Variants in MACF1 observed in about 807,000 individuals in gnomAD.
MACF1 encodes the protein microtubule actin crosslinking factor 1, also known as microtubule-actin cross-linking factor 1.
Under a neutral mutation model 854.8 loss-of-function variants are expected in MACF1, and 193 were observed. The observed-to-expected ratio is 0.23, with a 90% CI of 0.20 to 0.25. MACF1 has a LOEUF of 0.25. MACF1 is among the 10% of genes least tolerant of loss of function. The probability of loss-of-function intolerance (pLI) is 1.00; values close to 1 mark genes in which losing one functional copy is unlikely to be tolerated. For missense variants in MACF1, 7,722 were observed against 8,929.1 expected (o/e 0.86, Z 5.45); for synonymous variants, 3,185 against 3,226.7 (o/e 0.99, Z 0.44).
intron 14 of MACF1, among the ~76,000 whole-genome samples, 171 bp from the exon 15 acceptor site, chr1:39,287,115 C>G (rs575954730): frequency 6.6e-6 from 1 of 152,002 alleles, no homozygotes; most frequent in Non-Finnish European, 1.5e-5. Flanking sequence ...CATGTGCCAC[C>G]ACACCCGGCT....
At chr1:39,345,361 A>G (rs913780288) in intron 40 of MACF1, among the ~76,000 whole-genome samples, 1 of 152,238 alleles carries the variant, frequency 6.6e-6, no homozygotes, top group Non-Finnish European at 1.5e-5. Flanking sequence ...CTGTAATCCC[A>G]GCACTTTGGG....
chr1:39,430,615 T>G (rs1157394674), intron 65 of MACF1, 87 bp from the exon 66 acceptor site: 28 of 990,024 alleles, frequency 2.8e-5, no homozygotes, highest in Admixed American at 1.3e-4. Flanking sequence ...CTGGGATGTG[T>G]GGTAGAGATA....
intron 2 of MACF1, among the ~76,000 whole-genome samples, chr1:39,141,985 C>T (rs1643355783): frequency 6.6e-6 from 1 of 152,186 alleles, no homozygotes. Flanking sequence ...AGATAACTGA[C>T]TCCTTTTCCC....
At chr1:39,135,529 C>T (rs1167421356) in intron 2 of MACF1, among the ~76,000 whole-genome samples, 4 of 152,114 alleles carry the variant, frequency 2.6e-5, no homozygotes, top group Non-Finnish European at 4.4e-5. Context: ...TGAGCCACTG[C>T]GTCCGGCCAG....
At chr1:39,115,000 G>T (rs1436977809) in intron 2 of MACF1, among the ~76,000 whole-genome samples, 1 of 152,200 alleles carries the variant, frequency 6.6e-6, no homozygotes, top group African/African-American at 2.4e-5. Flanking sequence ...GCATTGATAA[G>T]GTTGGAGCAT....
intron 41 of MACF1, among the ~76,000 whole-genome samples, chr1:39,347,913 C>T (rs934399542): frequency 6.7e-6 from 1 of 149,034 alleles, no homozygotes; most frequent in South Asian, 2.1e-4. Flanking sequence ...TCTTGCAAAG[C>T]TCAACTCAAC....
At chr1:39,091,160 A>G (rs1641792378) in intron 2 of MACF1, among the ~76,000 whole-genome samples, 1 of 152,202 alleles carries the variant, frequency 6.6e-6, no homozygotes, top group African/African-American at 2.4e-5. Flanking sequence ...CTACCCCAGA[A>G]GATACCAGGC....
intron 52 of MACF1, among the ~76,000 whole-genome samples, chr1:39,375,961 C>T (rs1649684065): frequency 6.6e-6 from 1 of 152,080 alleles, no homozygotes; most frequent in Non-Finnish European, 1.5e-5. Context: ...TATTTTTGGT[C>T]GTGTTATTTA....
Position 39,442,828 on chromosome 1 carries a change from T to G in MACF1, c.19219T>G (p.Leu6407Val). ...GDDASSLRSR[L>V]EAMNQCWESV... ...TGATGCCAGCAGCTTAAGGAGCCGTTTGGAAGCCATGAACCAATGCTGGGA... is the reference window on the plus strand; with the variant it reads ...TGATGCCAGCAGCTTAAGGAGCCGTGTGGAAGCCATGAACCAATGCTGGGA... Residue 6407 changes from leucine (L) to valine (V), a missense_variant, in exon 78 of 101, where the codon TTG becomes GTG. By Grantham distance (32) the Leu-to-Val change is conservative. This residue lies in a region of MACF1 where 729 missense variants were observed against 900.5 expected (regional missense o/e 0.81). Transcript: ENST00000564288. The G allele has an allele frequency of 6.2e-7, 1 of 1,614,068 alleles. No homozygotes were observed. Among genetic ancestry groups the G allele is most frequent in the Non-Finnish European group, 8.5e-7 (1 of 1,179,978 alleles).
chr1:39,441,145 G>A lies in MACF1; in HGVS notation c.18570+20G>A. The A allele has an allele frequency of 6.2e-7, 1 of 1,614,120 alleles. No homozygotes were observed. Among genetic ancestry groups the A allele is most frequent in the Non-Finnish European group, 8.5e-7 (1 of 1,180,004 alleles). On this transcript the variant is annotated intron_variant, in intron 73 of 100. Coordinates refer to ENST00000564288, the MANE Select transcript of MACF1 (RefSeq NM_001394062.1). ...GATGAGGTGTGGAGAAATGGATGAG[G>A]CACTCAGTTAGAACATTAGTGGGCC...
At chr1:39,435,846 A>T in intron 70 of MACF1, 85 bp downstream of exon 70, 3 of 1,189,822 alleles carry the variant, frequency 2.5e-6, no homozygotes, top group Non-Finnish European at 3.6e-6. Context: ...CTCTGTGCTC[A>T]GGAATGTCCA....
intron 14 of MACF1, among the ~76,000 whole-genome samples, chr1:39,286,558 C>G: frequency 6.6e-6 from 1 of 151,920 alleles, no homozygotes; most frequent in Non-Finnish European, 1.5e-5. Context: ...CTTCTGCCTC[C>G]TGGGTCCAAG....
chr1:39,474,702 A>G lies in MACF1; in HGVS notation c.21958+5087A>G, dbSNP rs540598419. On this transcript the variant is annotated intron_variant, in intron 97 of 100. Coordinates refer to ENST00000564288, the MANE Select transcript of MACF1 (RefSeq NM_001394062.1). ...GAACAAGACTCCATCTCAAAAAATA[A>G]CTAAATAAAAATAAATGTTTGTGTG... Among the ~76,000 whole-genome samples, 3 of 152,336 alleles carry G rather than the reference A, an allele frequency of 2.0e-5. No individual in the cohort carries two copies. The South Asian group carries it at 6.2e-4, about 32-fold the overall frequency.
At chr1:39,397,246 G>A (rs553754311) in intron 58 of MACF1, among the ~76,000 whole-genome samples, 3 of 152,056 alleles carry the variant, frequency 2.0e-5, no homozygotes, top group African/African-American at 7.2e-5. Context: ...CGAAACTATT[G>A]TAAGTCAGAA....
At chr1:39,412,482 C>T (rs181416924) in intron 58 of MACF1, 3 of 1,614,012 alleles carry the variant, frequency 1.9e-6, no homozygotes, top group East Asian at 4.5e-5. Flanking sequence ...CAGCACATTT[C>T]CACAGAAACT....
At chr1:39,420,471 CATTTTA>C (rs1643492064) in intron 58 of MACF1, among the ~76,000 whole-genome samples, 1 of 152,206 alleles carries the variant, frequency 6.6e-6, no homozygotes, top group African/African-American at 2.4e-5. Flanking sequence ...GAGAAATAGT[CATTTTA>C]ACTGAACTGC....
intron 1 of MACF1, among the ~76,000 whole-genome samples, chr1:39,222,681 T>C (rs953445285): frequency 6.6e-6 from 1 of 152,216 alleles, no homozygotes; most frequent in African/African-American, 2.4e-5. Flanking sequence ...GTTAATTATT[T>C]ACATGTTGTT....
chr1:39,232,892 C>T (rs1467046363), intron 2 of MACF1, among the ~76,000 whole-genome samples: 1 of 151,992 alleles, frequency 6.6e-6, no homozygotes, highest in Non-Finnish European at 1.5e-5. Context: ...GAGTGATTCT[C>T]CCACCTCATC....
At position 39,282,368 on chromosome 1, in the gene MACF1, G is replaced by A. The variant is rs747720028; in HGVS notation, c.689G>A (p.Arg230Gln). The A allele has an allele frequency of 1.1e-5, 17 of 1,613,406 alleles. No homozygotes were observed. The highest frequency in any genetic ancestry group is 5.5e-5 in the South Asian group (5 of 91,012). The change falls in exon 7 of 101, where the codon CGA becomes CAA. Residue 230 changes from arginine (R) to glutamine (Q), a missense_variant. Around this residue, in one of 15 missense-constraint regions of MACF1, gnomAD observed 108 missense variants for 196.4 expected, o/e 0.55. Transcript: ENST00000564288. ...DGKMFNALIH[R>Q]YRPDLVDMER... Reference sequence around the variant, plus strand: ...AAGATGTTCAATGCACTCATTCACCGATACCGGTAAGAACAGTGGAATTTC... The same window carrying A: ...AAGATGTTCAATGCACTCATTCACCAATACCGGTAAGAACAGTGGAATTTC...
Sources: gnomAD v4.1 joint callset for allele counts (sites outside exome capture counted in the v4.1 genomes callset) on GRCh38, gnomAD v4.1.1 for gene constraint, gnomAD v4.1.1 regional missense constraint, MANE v1.5 for transcripts, NCBI Gene and HGNC (gene_info 2026-07-23, HGNC 2026-07-21) for gene names.